The following DCK variants were observed in gnomAD, a reference collection of about 807,000 sequenced individuals.
DCK encodes the protein deoxycytidine kinase.
Under a neutral mutation model 38.3 loss-of-function variants are expected in DCK, and 23 were observed. The observed-to-expected ratio is 0.60, with a 90% CI of 0.43 to 0.85. The LOEUF (loss-of-function observed/expected upper bound fraction) is 0.85. DCK is among the 40% of genes least tolerant of loss of function. The pLI, the probability that DCK is intolerant of heterozygous loss-of-function variation, is 0.00. For missense variants in DCK, 259 were observed against 304.4 expected, an observed-to-expected ratio of 0.85 and a Z score of 1.11; for synonymous variants, 108 against 100.6, an observed-to-expected ratio of 1.07 and a Z score of -0.44.
At chr4:71,026,519 C>T (rs1740551129) in intron 5 of DCK, 146 bp from the exon 6 acceptor site, 2 of 610,146 alleles carry the variant, frequency 3.3e-6, no homozygotes, top group African/African-American at 1.9e-5. Flanking sequence ...AAAGAAGGGG[C>T]TGCCAGATGA....
Position 71,030,235 on chromosome 4 carries a change from C to G in DCK, c.*857C>G, listed in dbSNP as rs1740652979. 1 of 152,534 alleles carries G rather than the reference C, an allele frequency of 6.6e-6. No individual in the cohort carries two copies. The highest frequency in any genetic ancestry group is 1.5e-5 in the Non-Finnish European group (1 of 68,016). 9.4% of individuals were successfully genotyped at this position (152,534 alleles called of 1,614,324 possible). On this transcript the variant is annotated 3_prime_UTR_variant, in exon 7 of 7. Transcript: ENST00000286648. ...ACACACTTAACTACTTATCTCTAAA[C>G]CATCTATGTGAATATTTGTAAAAAT...
chr4:71,025,672 T>C (rs1350553743), intron 4 of DCK, 144 bp from the exon 5 acceptor site: 2 of 1,118,730 alleles, frequency 1.8e-6, no homozygotes. Flanking sequence ...GAGGGAAAAA[T>C]GAATTATTTC....
intron 2 of DCK, among the ~76,000 whole-genome samples, chr4:71,002,723 T>A (rs140222561): frequency 6.6e-6 from 1 of 152,308 alleles, no homozygotes; most frequent in African/African-American, 2.4e-5. Context: ...ATGCCCTTTG[T>A]CTTTTTTTCA....
intron 2 of DCK, among the ~76,000 whole-genome samples, chr4:71,019,775 AC>A (rs1740363438): frequency 1.3e-5 from 1 of 77,898 alleles, no homozygotes; most frequent in Non-Finnish European, 3.5e-5. Flanking sequence ...TGGTTGATAT[AC>A]CTTTTATTTT....
At chr4:71,027,204 A>G (rs778344175) in intron 6 of DCK, among the ~76,000 whole-genome samples, 3 of 152,126 alleles carry the variant, frequency 2.0e-5, no homozygotes, top group Non-Finnish European at 4.4e-5. Context: ...ACTAAATTCA[A>G]TATGGAGGAT....
At chr4:71,025,641 C>A (rs1013134690) in intron 4 of DCK, among the ~76,000 whole-genome samples, 175 bp from the exon 5 acceptor site, 1 of 151,962 alleles carries the variant, frequency 6.6e-6, no homozygotes, top group Non-Finnish European at 1.5e-5. Flanking sequence ...TTAGAGCCAC[C>A]AAGTGGCTGA....
At chr4:71,011,706 A>T (rs1170179098) in intron 2 of DCK, among the ~76,000 whole-genome samples, 1 of 152,210 alleles carries the variant, frequency 6.6e-6, no homozygotes, top group African/African-American at 2.4e-5. Context: ...GATCTTTTAC[A>T]GTTGAACTTA....
intron 2 of DCK, among the ~76,000 whole-genome samples, chr4:71,019,706 A>G (rs1431163578): frequency 2.6e-5 from 4 of 152,164 alleles, no homozygotes. Flanking sequence ...TTGTCTAATA[A>G]TGTTTTCGTA....
intron 2 of DCK, among the ~76,000 whole-genome samples, chr4:70,999,213 C>G (rs560383814): frequency 6.6e-6 from 1 of 152,188 alleles, no homozygotes; most frequent in South Asian, 2.1e-4. Flanking sequence ...ATGTTCCCCT[C>G]CCTGTGCCCA....
intron 2 of DCK, among the ~76,000 whole-genome samples, chr4:71,010,486 C>CT (rs968158880): frequency 2.0e-5 from 3 of 150,780 alleles, no homozygotes; most frequent in African/African-American, 7.3e-5. Context: ...GAAGCTGTCT[C>CT]TGTCTTGTTT....
intron 2 of DCK, among the ~76,000 whole-genome samples, chr4:71,020,172 A>G (rs1053116510): frequency 2.6e-5 from 4 of 152,378 alleles, no homozygotes; most frequent in African/African-American, 4.8e-5. Flanking sequence ...TTTGTTCTAC[A>G]TAATTTTCCT....
intron 2 of DCK, among the ~76,000 whole-genome samples, chr4:71,016,650 CT>C (rs1270078446): frequency 1.3e-5 from 2 of 152,138 alleles, no homozygotes; most frequent in East Asian, 3.9e-4. Context: ...ACCATCTGAT[CT>C]TTGACAAACC....
At chr4:71,022,221 G>T in intron 2 of DCK, 146 bp from the exon 3 acceptor site, 1 of 491,358 alleles carries the variant, frequency 2.0e-6, no homozygotes. Context: ...TTGGGAAAGA[G>T]TATGAGAAAG....
At chr4:71,006,594 G>A (rs1486320423) in intron 2 of DCK, among the ~76,000 whole-genome samples, 2 of 152,118 alleles carry the variant, frequency 1.3e-5, no homozygotes. Flanking sequence ...GATCGCTTGA[G>A]CCCAGGAGTT....
At chr4:70,994,949 TA>T (rs1349585334) in intron 1 of DCK, among the ~76,000 whole-genome samples, 1 of 152,056 alleles carries the variant, frequency 6.6e-6, no homozygotes, top group African/African-American at 2.4e-5. Flanking sequence ...TTGATAGATT[TA>T]AAAAAAAATT....
rs573578098 is a variant in DCK, at chr4:70,997,226, T to C, written c.92-841T>C. 1.7e-4 allele frequency among the ~76,000 whole-genome samples: 26 copies of C among 152,314 alleles called. No homozygotes were observed. The South Asian group carries it at 5.4e-3, about 32-fold the overall frequency. ...GGTGCTATTTCTGAACATCATGTTC[T>C]CCTTTCCCTCTTCCATCTAGCTCAG... On this transcript the variant is annotated intron_variant, in intron 1 of 6. Coordinates refer to ENST00000286648, the MANE Select transcript of DCK (RefSeq NM_000788.3).
At chr4:71,012,836 A>G (rs1388421238) in intron 2 of DCK, among the ~76,000 whole-genome samples, 1 of 152,252 alleles carries the variant, frequency 6.6e-6, no homozygotes, top group South Asian at 2.1e-4. Flanking sequence ...AGAAAAGCTG[A>G]AAATTCTAAA....
intron 4 of DCK, among the ~76,000 whole-genome samples, chr4:71,025,443 T>G (rs1740524692): frequency 6.6e-6 from 1 of 152,074 alleles, no homozygotes. Context: ...AACATAGATA[T>G]TTTGTAATCA....
At chr4:71,001,299 G>C (rs1285467591) in intron 2 of DCK, among the ~76,000 whole-genome samples, 2 of 152,124 alleles carry the variant, frequency 1.3e-5, no homozygotes, top group Non-Finnish European at 2.9e-5. Flanking sequence ...TTATTGATTT[G>C]AGTATGTTGA....
Sources: allele counts gnomAD v4.1 joint callset (sites outside exome capture counted in the v4.1 genomes callset), GRCh38; gene constraint gnomAD v4.1.1; transcripts MANE v1.5; gene names NCBI Gene and HGNC (gene_info 2026-07-23, HGNC 2026-07-21).